Variants in FDPS observed in about 807,000 individuals in gnomAD.
The protein encoded by FDPS is farnesyl pyrophosphate synthase.
A neutral mutation model predicts 49.5 loss-of-function variants in FDPS; 29 were observed. The observed-to-expected ratio is 0.59, with a 90% CI of 0.44 to 0.80. The LOEUF is 0.80. Ranked by LOEUF, FDPS falls within the 30% of genes least tolerant of loss-of-function variation. The pLI, the probability that FDPS is intolerant of heterozygous loss-of-function variation, is 0.00. For missense variants in FDPS, 414 were observed against 525.6 expected (o/e 0.79, Z 2.08); for synonymous variants, 172 against 206.4 (o/e 0.83, Z 1.43).
rs374794832 is a variant in FDPS, at chr1:155,320,023, G to C, written c.1059+95G>C. The stretch of plus-strand genomic sequence containing the variant: ...CAGTTTTCCTCCCGAGGGGACATTT[G>C]GCAATGTCAGCAGACATTTTTTGCC... On this transcript the variant is annotated intron_variant, in intron 10 of 10. Transcript: ENST00000368356. 9.7e-5 allele frequency: 138 copies of C among 1,420,786 alleles called. No individual in the cohort carries two copies. In the African/African-American group the frequency reaches 1.8e-3, roughly 18 times the overall value. 88.0% of individuals were successfully genotyped at this position (1,420,786 alleles called of 1,614,324 possible).
In FDPS at chr1:155,318,853, C is replaced by G; in HGVS notation, c.774-3C>G. 1 of 1,611,834 alleles carries G rather than the reference C, an allele frequency of 6.2e-7. No homozygotes were observed. The highest frequency in any genetic ancestry group is 8.5e-7 in the Non-Finnish European group (1 of 1,177,916). On this transcript the variant is annotated splice_polypyrimidine_tract_variant and splice_region_variant and intron_variant, in intron 7 of 10. Coordinates refer to ENST00000368356, the MANE Select transcript of FDPS (RefSeq NM_002004.4). This position sits in a 1 kb window ranked among gnomAD's most constrained non-coding sequence, Gnocchi z 4.2. ...GAGGAGTTTCTCTTCTCCCCTTACT[C>G]AGGTACAAATCTATTGTCAAGTACA...
chr1:155,320,548 C>T lies in FDPS; in HGVS notation c.1199C>T (p.Ala400Val). The change falls in exon 11 of 11, where the codon GCA becomes GTA. Residue 400 changes from alanine to valine, a missense_variant. Transcript: ENST00000368356. ...HIMALIEQYAAPLPPAVFLGL... is the reference protein window; with the variant it reads ...HIMALIEQYAVPLPPAVFLGL... Reference sequence around the variant, plus strand: ...ATGGCTCTCATTGAACAGTACGCAGCACCCCTGCCCCCAGCCGTCTTTCTG... The same window carrying T: ...ATGGCTCTCATTGAACAGTACGCAGTACCCCTGCCCCCAGCCGTCTTTCTG... 1 of 1,614,172 alleles carries T rather than the reference C, an allele frequency of 6.2e-7. No homozygotes were observed. Among genetic ancestry groups the T allele is most frequent in the East Asian group, 2.2e-5 (1 of 44,876 alleles).
Position 155,318,563 on chromosome 1 carries a change from T to G in FDPS, c.685-102T>G. 1.0e-6 allele frequency: 1 copy of G among 978,804 alleles called. No individual in the cohort carries two copies. The highest frequency in any genetic ancestry group is 1.4e-5 in the South Asian group (1 of 73,706). The allele number at this position is 978,804 out of a possible 1,614,324, so 60.6% of individuals were successfully genotyped here. A position where few individuals can be genotyped will look rare whatever the true frequency, so the allele number is the denominator to read the frequency against. ...TTCTCCCCTTCTGTTGCCTTTCTGA[T>G]TCTGCCCAGTTGTCAGCTGGTATGG... On this transcript the variant is annotated intron_variant, in intron 6 of 10. Transcript: ENST00000368356. The surrounding 1 kb of genome is among the most constrained non-coding windows in gnomAD (Gnocchi z 4.2).
Position 155,320,536 on chromosome 1 carries a change from A to G in FDPS, c.1187A>G (p.Glu396Gly). ...DSYSHIMALI[E>G]QYAAPLPPAV... ...TACAGCCACATTATGGCTCTCATTG[A>G]ACAGTACGCAGCACCCCTGCCCCCA... Residue 396 changes from glutamate to glycine, a missense_variant, in exon 11 of 11, where the codon GAA (glutamate) becomes GGA (glycine). Coordinates refer to ENST00000368356, the MANE Select transcript of FDPS (RefSeq NM_002004.4). 6.2e-7 allele frequency: 1 copy of G among 1,614,168 alleles called. No homozygotes were observed. The highest frequency in any genetic ancestry group is 8.5e-7 in the Non-Finnish European group (1 of 1,180,028).
intron 1 of FDPS, 149 bp downstream of exon 1, chr1:155,309,114 G>A (rs959592179): frequency 2.0e-5 from 3 of 152,486 alleles, no homozygotes; most frequent in African/African-American, 7.2e-5. Context: ...TAGGGGTGTG[G>A]AGACTTCCCA....
At chr1:155,317,806 T>G in intron 4 of FDPS, 135 bp from the exon 5 acceptor site, 1 of 652,134 alleles carries the variant, frequency 1.5e-6, no homozygotes, top group Non-Finnish European at 2.7e-6. Flanking sequence ...ACTGCACCAC[T>G]GCACTGGATA....
At position 155,320,665 on chromosome 1, in the gene FDPS, T is replaced by G; in HGVS notation, c.*56T>G. On this transcript the variant is annotated 3_prime_UTR_variant, in exon 11 of 11. Coordinates refer to ENST00000368356, the MANE Select transcript of FDPS (RefSeq NM_002004.4). ...CTCTCAATAAATAATCGTGTAACCT[T>G]CTTGTGGTTCTGTTCTTGCTCGGCC... 4 of 1,599,898 alleles carry G rather than the reference T, an allele frequency of 2.5e-6. No homozygotes were observed. The highest frequency in any genetic ancestry group is 3.4e-6 in the Non-Finnish European group (4 of 1,168,076).
rs1028516908 is a variant in FDPS at position 155,318,439 on chromosome 1, T to C, written c.684+148T>C. The C allele has an allele frequency of 2.8e-6, 3 of 1,077,680 alleles. No individual in the cohort carries two copies. The African/African-American group carries it at 4.7e-5, about 17-fold the overall frequency. 66.8% of individuals were successfully genotyped at this position (1,077,680 alleles called of 1,614,324 possible). On this transcript the variant is annotated intron_variant, in intron 6 of 10. Transcript: ENST00000368356. This position sits in a 1 kb window ranked among gnomAD's most constrained non-coding sequence, Gnocchi z 4.2. Reference sequence around the variant, plus strand: ...CGAGGAAGGGTGTTGGGAAGTGGGGTTGTGGTAGTGGCAAGAAAGGGCTTC... The same window carrying C: ...CGAGGAAGGGTGTTGGGAAGTGGGGCTGTGGTAGTGGCAAGAAAGGGCTTC...
chr1:155,320,439 G>T lies in FDPS; in HGVS notation c.1090G>T (p.Val364Leu). ...ENYGQKEAEK[V>L]ARVKALYEEL... ...TTACGGGCAGAAGGAGGCTGAGAAA[G>T]TGGCCCGGGTGAAGGCGCTATATGA... Residue 364 changes from valine to leucine, a missense_variant, in exon 11 of 11, where the codon GTG (valine) becomes TTG (leucine). Physicochemically the swap from Val to Leu is conservative, Grantham distance 32. Coordinates refer to ENST00000368356, the MANE Select transcript of FDPS (RefSeq NM_002004.4). The T allele has an allele frequency of 6.2e-7, 1 of 1,613,668 alleles. No homozygotes were observed. Among genetic ancestry groups the T allele is most frequent in the Non-Finnish European group, 8.5e-7 (1 of 1,180,006 alleles).
chr1:155,319,515 T>C, intron 8 of FDPS, 96 bp from the exon 9 acceptor site: 1 of 1,244,970 alleles, frequency 8.0e-7, no homozygotes, highest in Non-Finnish European at 1.2e-6. Flanking sequence ...GAGGAAAGAT[T>C]TGGGGCTGCA....
chr1:155,318,320 G>A lies in FDPS; in HGVS notation c.684+29G>A, dbSNP rs1404759320. On this transcript the variant is annotated intron_variant, in intron 6 of 10. Coordinates refer to ENST00000368356, the MANE Select transcript of FDPS (RefSeq NM_002004.4). This position sits in a 1 kb window ranked among gnomAD's most constrained non-coding sequence, Gnocchi z 4.2. ...TATTGCAGACAGGGCCCGATGCCCA[G>A]AGGGTGCCCATGGTAGCCTTGGCCT... 1 of 1,606,084 alleles carries A rather than the reference G, an allele frequency of 6.2e-7. No individual in the cohort carries two copies. Among genetic ancestry groups the A allele is most frequent in the East Asian group, 2.2e-5 (1 of 44,878 alleles).
chr1:155,310,313 C>CT (rs35556344), intron 3 of FDPS, 108 bp downstream of exon 3: 157,156 of 689,222 alleles, frequency 0.23, 5,111 homozygotes, highest in East Asian at 0.47. Context: ...TGAGAGAAAG[C>CT]TTTTTTTTTT....
chr1:155,318,477 A>C lies in FDPS; in HGVS notation c.684+186A>C, dbSNP rs1649763601. 1 of 835,060 alleles carries C rather than the reference A, an allele frequency of 1.2e-6. No individual in the cohort carries two copies. Among genetic ancestry groups the C allele is most frequent in the Non-Finnish European group, 1.9e-6 (1 of 519,318 alleles). The allele number at this position is 835,060 out of a possible 1,614,324, so 51.7% of individuals were successfully genotyped here. ...AAGAAAGGGCTTCTCTGTCCTGTGT[A>C]ATTGGAAGAAAGGGTGATAAAGGAC... On this transcript the variant is annotated intron_variant, in intron 6 of 10. Coordinates refer to ENST00000368356, the MANE Select transcript of FDPS (RefSeq NM_002004.4). The surrounding 1 kb of genome is among the most constrained non-coding windows in gnomAD (Gnocchi z 4.2).
Position 155,318,409 on chromosome 1 carries a change from G to A in FDPS, c.684+118G>A. Reference sequence around the variant, plus strand: ...GATTGCAGCGTGCCTGGAAGGGAAAGAAAGCGAGGAAGGGTGTTGGGAAGT... The same window carrying A: ...GATTGCAGCGTGCCTGGAAGGGAAAAAAAGCGAGGAAGGGTGTTGGGAAGT... On this transcript the variant is annotated intron_variant, in intron 6 of 10. Transcript: ENST00000368356. The surrounding 1 kb of genome is among the most constrained non-coding windows in gnomAD (Gnocchi z 4.2). The A allele has an allele frequency of 1.5e-6, 2 of 1,349,026 alleles. No homozygotes were observed. Among genetic ancestry groups the A allele is most frequent in the South Asian group, 1.2e-5 (1 of 80,102 alleles). 83.6% of individuals were successfully genotyped at this position (1,349,026 alleles called of 1,614,324 possible).
intron 4 of FDPS, among the ~76,000 whole-genome samples, chr1:155,313,640 G>A (rs1649021281): frequency 1.3e-5 from 2 of 152,124 alleles, no homozygotes; most frequent in South Asian, 4.1e-4. Context: ...GAGGTAATAG[G>A]CCCATGGCAT....
chr1:155,318,217 T>C lies in FDPS; in HGVS notation c.610T>C (p.Cys204Arg), dbSNP rs984575364. The C allele has an allele frequency of 4.3e-6, 7 of 1,614,070 alleles. No individual in the cohort carries two copies. Among genetic ancestry groups the C allele is most frequent in the Admixed American group, 1.7e-5 (1 of 60,012 alleles). ...AINDANLLEACIYRLLKLYCR... is the reference protein window; with the variant it reads ...AINDANLLEARIYRLLKLYCR... ...CAATGATGCTAACCTCCTGGAAGCA[T>C]GTATCTACCGCCTGCTGAAGCTCTA... The change falls in exon 6 of 11, where the codon TGT becomes CGT. Residue 204 changes from cysteine (C) to arginine (R), a missense_variant. Physicochemically the swap from Cys to Arg is radical, Grantham distance 180. Coordinates refer to ENST00000368356, the MANE Select transcript of FDPS (RefSeq NM_002004.4). This position sits in a 1 kb window ranked among gnomAD's most constrained non-coding sequence, Gnocchi z 4.2.
rs554838568 is a variant in FDPS, at chr1:155,320,080, G to A, written c.1059+152G>A. On this transcript the variant is annotated intron_variant, in intron 10 of 10. Transcript: ENST00000368356. ...ATTACAACTCTGTGTGTGTGCATGT[G>A]GTACAGACATCTAGTTGGCAGGAGC... is the stretch of plus-strand genomic sequence containing the variant. The A allele has an allele frequency of 4.4e-4, 388 of 877,148 alleles. No individual in the cohort carries two copies. The African/African-American group carries it at 5.0e-3, about 11-fold the overall frequency. 54.3% of individuals were successfully genotyped at this position (877,148 alleles called of 1,614,324 possible).
At position 155,318,008 on chromosome 1, in the gene FDPS, G is replaced by C. The variant is rs1649671437; in HGVS notation, c.548G>C (p.Cys183Ser). 1.2e-6 allele frequency: 2 copies of C among 1,613,910 alleles called. No individual in the cohort carries two copies. The highest frequency in any genetic ancestry group is 1.7e-6 in the Non-Finnish European group (2 of 1,180,028). The stretch of plus-strand genomic sequence containing the variant: ...TCCCTTACCCGCCGGGGACAGATCT[G>C]CTGGTATCAGAAGGTAATGTGGGCA... ...DSSLTRRGQICWYQKPGVGLD... is the reference protein window; with the variant it reads ...DSSLTRRGQISWYQKPGVGLD... Residue 183 changes from cysteine to serine, a missense_variant, in exon 5 of 11, where the codon TGC (cysteine) becomes TCC (serine). Cys to Ser is a moderately radical substitution (Grantham distance 112). Coordinates refer to ENST00000368356, the MANE Select transcript of FDPS (RefSeq NM_002004.4). This position sits in a 1 kb window ranked among gnomAD's most constrained non-coding sequence, Gnocchi z 4.2.
Position 155,320,656 on chromosome 1 carries a change from G to A in FDPS, c.*47G>A, listed in dbSNP as rs746463355. On this transcript the variant is annotated 3_prime_UTR_variant, in exon 11 of 11. Transcript: ENST00000368356. ...GAGAGGAGGCTCTCAATAAATAATC[G>A]TGTAACCTTCTTGTGGTTCTGTTCT... 4 of 1,602,690 alleles carry A rather than the reference G, an allele frequency of 2.5e-6. No homozygotes were observed. Among genetic ancestry groups the A allele is most frequent in the South Asian group, 1.1e-5 (1 of 90,798 alleles).
Sources: allele counts gnomAD v4.1 joint callset (sites outside exome capture counted in the v4.1 genomes callset), GRCh38; gene constraint gnomAD v4.1.1; non-coding constraint Gnocchi (gnomAD v3.1); transcripts MANE v1.5; gene names NCBI Gene and HGNC (gene_info 2026-07-23, HGNC 2026-07-21).